The following GNAO1 variants were observed in gnomAD, a reference collection of about 807,000 sequenced individuals.
The protein encoded by GNAO1 is G protein subunit alpha o1.
For missense variants in GNAO1, 166 were observed against 478.7 expected (o/e 0.35, Z 6.10); for synonymous variants, 164 against 180.7 (o/e 0.91, Z 0.74).
intron 2 of GNAO1, among the ~76,000 whole-genome samples, chr16:56,206,485 A>C (rs541838090): frequency 1.3e-5 from 2 of 152,272 alleles, no homozygotes; most frequent in South Asian, 4.2e-4. Context: ...GGAAAAGGCA[A>C]AACCACAGGG....
At chr16:56,204,616 C>T (rs1336184428) in intron 2 of GNAO1, among the ~76,000 whole-genome samples, 1 of 152,114 alleles carries the variant, frequency 6.6e-6, no homozygotes, top group South Asian at 2.1e-4. Flanking sequence ...TTCTGGGTGG[C>T]GAGCAGGGTT....
intron 2 of GNAO1, chr16:56,192,994 CTATT>C (rs2036194571): frequency 1.0e-5 from 2 of 197,178 alleles, no homozygotes; most frequent in Non-Finnish European, 2.1e-5. Context: ...CATTCTGTCT[CTATT>C]TCTTTCTCCT....
chr16:56,256,712 C>CTGTG (rs1449657710), intron 2 of GNAO1, among the ~76,000 whole-genome samples: 15 of 116,026 alleles, frequency 1.3e-4, no homozygotes, highest in African/African-American at 4.9e-4. Context: ...CTCTCTCTCT[C>CTGTG]TCTCTCTGTG....
chr16:56,334,938 C>G (rs578129085), intron 5 of GNAO1, 81 bp downstream of exon 5: 2 of 1,455,268 alleles, frequency 1.4e-6, no homozygotes, highest in Non-Finnish European at 1.9e-6. Context: ...GCGTTTACAG[C>G]GCCCAAACAT....
intron 4 of GNAO1, 38 bp from the exon 5 acceptor site, chr16:56,334,691 C>T (rs756473065): frequency 2.9e-5 from 47 of 1,611,172 alleles, no homozygotes; most frequent in Non-Finnish European, 3.6e-5. Context: ...AGTGTCCAGG[C>T]ATTTGGTCCA....
At chr16:56,245,952 A>T (rs2143441483) in intron 2 of GNAO1, among the ~76,000 whole-genome samples, 1 of 152,072 alleles carries the variant, frequency 6.6e-6, no homozygotes, top group South Asian at 2.1e-4. Context: ...GGGCACCAGG[A>T]TTCAAACTCG....
At chr16:56,220,419 G>A (rs1328793836) in intron 2 of GNAO1, among the ~76,000 whole-genome samples, 3 of 152,156 alleles carry the variant, frequency 2.0e-5, no homozygotes, top group East Asian at 3.9e-4. Flanking sequence ...AATGACATAT[G>A]GACTTTCTCC....
intron 1 of GNAO1, 70 bp downstream of exon 1, chr16:56,192,423 C>A: frequency 1.9e-6 from 2 of 1,032,654 alleles, no homozygotes; most frequent in South Asian, 1.3e-5. Flanking sequence ...CCAGCTCCCC[C>A]ACCCCACTCG....
At chr16:56,325,165 G>C (rs764794188) in intron 3 of GNAO1, among the ~76,000 whole-genome samples, 2 of 152,190 alleles carry the variant, frequency 1.3e-5, no homozygotes, top group African/African-American at 4.8e-5. Context: ...GTTTGCGGCA[G>C]AAAAATTATC....
At chr16:56,295,958 T>C (rs1177588023) in intron 3 of GNAO1, among the ~76,000 whole-genome samples, 1 of 152,252 alleles carries the variant, frequency 6.6e-6, no homozygotes, top group African/African-American at 2.4e-5. Flanking sequence ...GTTAATTCTC[T>C]TCCCGTACCT....
chr16:56,271,826 T>C (rs1185061493), intron 2 of GNAO1, among the ~76,000 whole-genome samples: 1 of 152,196 alleles, frequency 6.6e-6, no homozygotes, highest in African/African-American at 2.4e-5. Flanking sequence ...CTCCCAACTC[T>C]TTTGCTTATG....
At chr16:56,336,681 A>T (rs2037743032) in intron 5 of GNAO1, 50 bp from the exon 6 acceptor site, 3 of 1,548,704 alleles carry the variant, frequency 1.9e-6, no homozygotes, top group Middle Eastern at 3.4e-4. Context: ...ATCCCCAGGC[A>T]GCCCTCACCT....
intron 6 of GNAO1, chr16:56,340,900 T>C (rs1432592321): frequency 2.5e-6 from 4 of 1,613,652 alleles, no homozygotes; most frequent in Non-Finnish European, 3.4e-6. Context: ...CACAGACACG[T>C]CCATCATCCT....
At chr16:56,218,232 A>C (rs2036453077) in intron 2 of GNAO1, among the ~76,000 whole-genome samples, 1 of 152,152 alleles carries the variant, frequency 6.6e-6, no homozygotes, top group Non-Finnish European at 1.5e-5. Context: ...CATTGTACTG[A>C]GTAGAGCTGC....
At chr16:56,331,825 C>T (rs1230260728) in intron 4 of GNAO1, among the ~76,000 whole-genome samples, 1 of 152,200 alleles carries the variant, frequency 6.6e-6, no homozygotes, top group African/African-American at 2.4e-5. Flanking sequence ...CTTCTGCCTA[C>T]TCAGTGCCTG....
At chr16:56,256,487 G>T (rs1465973455) in intron 2 of GNAO1, among the ~76,000 whole-genome samples, 1 of 152,172 alleles carries the variant, frequency 6.6e-6, no homozygotes, top group Non-Finnish European at 1.5e-5. Flanking sequence ...TAATAAGGGA[G>T]ATCCCCACAC....
intron 3 of GNAO1, among the ~76,000 whole-genome samples, chr16:56,285,876 G>T (rs1489094985): frequency 6.6e-6 from 1 of 152,160 alleles, no homozygotes. Flanking sequence ...GACTATGTCT[G>T]GGACCTCATT....
intron 3 of GNAO1, among the ~76,000 whole-genome samples, chr16:56,328,115 G>A (rs1471685593): frequency 3.9e-5 from 6 of 152,128 alleles, no homozygotes; most frequent in African/African-American, 9.7e-5. Flanking sequence ...ATTCTCTACC[G>A]AAACGTCTGC....
At chr16:56,214,091 G>A (rs573301701) in intron 2 of GNAO1, among the ~76,000 whole-genome samples, 9 of 152,254 alleles carry the variant, frequency 5.9e-5, no homozygotes, top group African/African-American at 1.9e-4. Context: ...GTTGACTCTG[G>A]CATAATCTAG....
Sources: allele counts gnomAD v4.1 joint callset (sites outside exome capture counted in the v4.1 genomes callset), GRCh38; gene constraint gnomAD v4.1.1; transcripts MANE v1.5; gene names NCBI Gene and HGNC (gene_info 2026-07-23, HGNC 2026-07-21).